SLC24A2: variants seen among roughly 807,000 people sequenced by gnomAD.
SLC24A2 encodes the protein solute carrier family 24 member 2.
SLC24A2 carries 36 observed loss-of-function variants against 62.0 expected under a neutral mutation model. That is an observed-to-expected ratio of 0.58 (90% CI 0.44 to 0.77). The LOEUF is 0.77. Among genes scored for constraint, SLC24A2 ranks in the 30% least tolerant of loss-of-function variants. The pLI, the probability that SLC24A2 is intolerant of heterozygous loss-of-function variation, is 0.00. For synonymous variants in SLC24A2, 358 were observed against 294.0 expected (o/e 1.22, Z -2.23); for missense variants, 846 against 817.9 (o/e 1.03, Z -0.42).
chr9:20,092,827 G>C, the SLC24A2 span, among the ~76,000 whole-genome samples: 14 of 152,132 alleles, frequency 9.2e-5, no homozygotes, highest in East Asian at 3.9e-4. Context: ...CTATACATTA[G>C]ATCCCCAGAA....
the SLC24A2 span, among the ~76,000 whole-genome samples, chr9:19,844,311 A>G: frequency 2.1e-3 from 313 of 151,952 alleles, 4 homozygotes; most frequent in African/African-American, 6.2e-3. Context: ...GGCTGCTTGG[A>G]TGTCTTCTTT....
At chr9:19,771,738 G>A (rs555516097) in intron 2 of SLC24A2, among the ~76,000 whole-genome samples, 4 of 152,248 alleles carry the variant, frequency 2.6e-5, no homozygotes, top group East Asian at 1.9e-4. Flanking sequence ...CTTTGCCCTC[G>A]GAATGTGCAC....
At chr9:19,889,954 A>G in the SLC24A2 span, among the ~76,000 whole-genome samples, 2 of 152,190 alleles carry the variant, frequency 1.3e-5, no homozygotes, top group Non-Finnish European at 2.9e-5. Context: ...TATTCCACCA[A>G]GCCTCATCAA....
At chr9:19,969,056 C>T in the SLC24A2 span, among the ~76,000 whole-genome samples, 57 of 152,088 alleles carry the variant, frequency 3.7e-4, no homozygotes, top group Admixed American at 4.6e-4. Context: ...ATAACTAGCA[C>T]GGAACTGAGG....
chr9:19,776,390 T>C (rs899396310), intron 2 of SLC24A2, among the ~76,000 whole-genome samples: 1 of 152,198 alleles, frequency 6.6e-6, no homozygotes, highest in African/African-American at 2.4e-5. Flanking sequence ...ATGGAGGTGA[T>C]AATATTTATT....
intron 7 of SLC24A2, among the ~76,000 whole-genome samples, chr9:19,559,308 T>C (rs1835276315): frequency 6.6e-6 from 1 of 152,234 alleles, no homozygotes; most frequent in Non-Finnish European, 1.5e-5. Flanking sequence ...ACTTACCCAA[T>C]ATTTATCAAG....
chr9:20,201,886 A>T, the SLC24A2 span, among the ~76,000 whole-genome samples: 3 of 152,132 alleles, frequency 2.0e-5, no homozygotes, highest in Non-Finnish European at 4.4e-5. Context: ...GTGAGTATGT[A>T]TTTGTCATTG....
the SLC24A2 span, among the ~76,000 whole-genome samples, chr9:19,866,554 A>G: frequency 6.6e-6 from 1 of 152,018 alleles, no homozygotes; most frequent in Admixed American, 6.5e-5. Flanking sequence ...TTGCAACAAC[A>G]TGGATGAAAG....
chr9:19,582,499 T>C lies in SLC24A2; in HGVS notation c.1130-5477A>G, dbSNP rs116149272. Among the ~76,000 whole-genome samples, 710 of 152,198 alleles carry C rather than the reference T, an allele frequency of 4.7e-3. 7 individuals carry two copies. Among genetic ancestry groups the C allele is most frequent in the African/African-American group, 0.017 (690 of 41,522 alleles). On this transcript the variant is annotated intron_variant, in intron 5 of 10. Coordinates refer to ENST00000341998, the MANE Select transcript of SLC24A2 (RefSeq NM_020344.4). Reference sequence around the variant, plus strand: ...AAGAGAGTGGCCAAACACAGCTCGGTGAACAGACCATGGCTTGGGAGAAGA... The same window carrying C: ...AAGAGAGTGGCCAAACACAGCTCGGCGAACAGACCATGGCTTGGGAGAAGA...
At chr9:19,982,156 C>G in the SLC24A2 span, among the ~76,000 whole-genome samples, 1 of 152,072 alleles carries the variant, frequency 6.6e-6, no homozygotes, top group Non-Finnish European at 1.5e-5. Context: ...AAATGTTTTC[C>G]AGATATACAA....
chr9:19,507,630 GAC>G lies in SLC24A2; in HGVS notation c.*8521_*8522del, dbSNP rs1414639082. 2.6e-5 allele frequency: 4 copies of G among 152,190 alleles called. No homozygotes were observed. The highest frequency in any genetic ancestry group is 6.5e-5 in the Admixed American group (1 of 15,270). The allele number at this position is 152,190 out of a possible 1,614,324, so 9.4% of individuals were successfully genotyped here. ...CCATGTGACAGAAGTACATACTTCA[GAC>G]AGCCTATGTACAAATAAGTAGAGCT... On this transcript the variant is annotated 3_prime_UTR_variant, in exon 11 of 11. Transcript: ENST00000341998.
chr9:20,146,241 C>T, the SLC24A2 span, among the ~76,000 whole-genome samples: 1 of 152,162 alleles, frequency 6.6e-6, no homozygotes, highest in Non-Finnish European at 1.5e-5. Context: ...AAGGGATCAT[C>T]AGCATCAGAA....
the SLC24A2 span, among the ~76,000 whole-genome samples, chr9:20,275,898 C>T: frequency 7.8e-4 from 118 of 152,156 alleles, no homozygotes; most frequent in East Asian, 4.8e-3. Flanking sequence ...TCAGGTCTCG[C>T]GAGACTTATT....
intron 2 of SLC24A2, among the ~76,000 whole-genome samples, chr9:19,693,362 G>C (rs1191977665): frequency 6.6e-6 from 1 of 152,144 alleles, no homozygotes; most frequent in African/African-American, 2.4e-5. Context: ...TATGAATGCA[G>C]CCTGTTGGCA....
the SLC24A2 span, among the ~76,000 whole-genome samples, chr9:20,076,839 GATATATATATACATATCATATGTATAT>G: frequency 1.2e-4 from 17 of 142,552 alleles, no homozygotes; most frequent in East Asian, 4.0e-4. Flanking sequence ...AAGAAAATGT[GATATATATATACATATCATATGTATAT>G]ATATATATAT....
intron 2 of SLC24A2, among the ~76,000 whole-genome samples, chr9:19,671,435 C>G (rs1819412845): frequency 6.6e-6 from 1 of 151,506 alleles, no homozygotes; most frequent in Admixed American, 6.6e-5. Flanking sequence ...ATTCATTTAT[C>G]AGGTCTAGGA....
the SLC24A2 span, among the ~76,000 whole-genome samples, chr9:19,958,904 C>G: frequency 6.6e-6 from 1 of 152,132 alleles, no homozygotes; most frequent in Non-Finnish European, 1.5e-5. Flanking sequence ...TTTTGAGGCC[C>G]TGCTTTAATA....
At chr9:19,646,990 T>G (rs1255534726) in intron 2 of SLC24A2, among the ~76,000 whole-genome samples, 1 of 151,860 alleles carries the variant, frequency 6.6e-6, no homozygotes, top group East Asian at 1.9e-4. Context: ...TCTCACCATT[T>G]TCATGAATCA....
the SLC24A2 span, among the ~76,000 whole-genome samples, chr9:20,030,921 C>T: frequency 1.3e-5 from 2 of 152,218 alleles, no homozygotes; most frequent in South Asian, 2.1e-4. Context: ...CCCCACCCTA[C>T]TCTCACCTCA....
Sources: allele counts gnomAD v4.1 joint callset (sites outside exome capture counted in the v4.1 genomes callset), GRCh38; gene constraint gnomAD v4.1.1; transcripts MANE v1.5; gene names NCBI Gene and HGNC (gene_info 2026-07-23, HGNC 2026-07-21).